Variants in PM20D2 observed in about 807,000 individuals in gnomAD.
PM20D2 encodes the protein xaa-Arg dipeptidase.
Under a neutral mutation model 42.9 loss-of-function variants are expected in PM20D2, and 33 were observed. That is an observed-to-expected ratio of 0.77 (90% CI 0.58 to 1.03). The LOEUF (loss-of-function observed/expected upper bound fraction) is 1.03, where lower values mean the gene tolerates loss of function less well. PM20D2 is among the 50% of genes least tolerant of loss of function. The pLI is 0.00. For synonymous variants in PM20D2, 250 were observed against 228.2 expected, an observed-to-expected ratio of 1.10 and a Z score of -0.86; for missense variants, 548 against 557.0, an observed-to-expected ratio of 0.98 and a Z score of 0.16.
At chr6:89,100,837 G>A in the PM20D2 span, among the ~76,000 whole-genome samples, 66 of 152,214 alleles carry the variant, frequency 4.3e-4, no homozygotes, top group African/African-American at 1.5e-3. Context: ...ACTGGGTGCA[G>A]TGGCTCATGC....
At chr6:89,136,744 T>C in the PM20D2 span, among the ~76,000 whole-genome samples, 1 of 151,254 alleles carries the variant, frequency 6.6e-6, no homozygotes, top group African/African-American at 2.5e-5. Flanking sequence ...CCACATTTCA[T>C]GCCCTTATTA....
the PM20D2 span, among the ~76,000 whole-genome samples, chr6:89,140,037 G>A: frequency 1.5e-3 from 235 of 152,242 alleles, no homozygotes; most frequent in African/African-American, 4.8e-3. Context: ...TTACACAAAC[G>A]TGAGCATATG....
intron 3 of PM20D2, among the ~76,000 whole-genome samples, chr6:89,154,288 GT>G (rs1001973289): frequency 5.9e-5 from 9 of 151,902 alleles, no homozygotes; most frequent in African/African-American, 1.7e-4. Flanking sequence ...ACCTGCATTG[GT>G]TTTTTTCTTG....
the PM20D2 span, among the ~76,000 whole-genome samples, chr6:89,102,290 C>T: frequency 5.9e-5 from 9 of 152,050 alleles, no homozygotes; most frequent in South Asian, 2.1e-4. Context: ...ATTACAGGCA[C>T]GTGCCACCAT....
rs1209485816 is a variant in PM20D2, at chr6:89,146,573, C to T, written c.429C>T (p.Ala143=). The T allele has an allele frequency of 9.4e-6, 14 of 1,481,716 alleles. No individual in the cohort carries two copies. Among genetic ancestry groups the T allele is most frequent in the Non-Finnish European group, 1.2e-5 (14 of 1,122,712 alleles). 91.8% of individuals were successfully genotyped at this position (1,481,716 alleles called of 1,614,324 possible). ...CGGCCGCGCTGGGCGTGAGGGGGGCCTTAGAGGGCCTCCCCAGGCCGCCTC... is the reference window on the plus strand; with the variant it reads ...CGGCCGCGCTGGGCGTGAGGGGGGCTTTAGAGGGCCTCCCCAGGCCGCCTC... ...GAAAALGVRG[A]LEGLPRPPPP... Residue 143 remains alanine, a synonymous_variant, in exon 1 of 7, where the codon GCC becomes GCT. Coordinates refer to ENST00000275072, the MANE Select transcript of PM20D2 (RefSeq NM_001010853.3).
At chr6:89,098,428 A>C in the PM20D2 span, 1 of 1,016,006 alleles carries the variant, frequency 9.8e-7, no homozygotes. Context: ...AATTTTTATT[A>C]ATCCAAAGCT....
chr6:89,148,093 G>A (rs1770671656), intron 1 of PM20D2, among the ~76,000 whole-genome samples: 1 of 146,998 alleles, frequency 6.8e-6, no homozygotes, highest in Admixed American at 7.0e-5. Flanking sequence ...CGATCCTCGT[G>A]CTTCAGCCTC....
At chr6:89,156,649 TG>T (rs1480190189) in intron 4 of PM20D2, among the ~76,000 whole-genome samples, 1 of 151,590 alleles carries the variant, frequency 6.6e-6, no homozygotes, top group Non-Finnish European at 1.5e-5. Context: ...AAGAGTGGTC[TG>T]GGGCTGTTAA....
chr6:89,159,935 C>T (rs535130809), intron 5 of PM20D2, among the ~76,000 whole-genome samples: 9 of 152,216 alleles, frequency 5.9e-5, no homozygotes, highest in African/African-American at 2.2e-4. Context: ...TGCTCTACCC[C>T]GGGTTTGGGT....
chr6:89,105,464 A>G, the PM20D2 span: 1 of 1,611,042 alleles, frequency 6.2e-7, no homozygotes, highest in Non-Finnish European at 8.5e-7. Flanking sequence ...TTTCAATCTG[A>G]CGGCCACATA....
the PM20D2 span, among the ~76,000 whole-genome samples, chr6:89,115,631 C>CTTTTTT: frequency 3.1e-5 from 4 of 129,004 alleles, no homozygotes; most frequent in African/African-American, 9.3e-5. Context: ...TTTTTTCTTT[C>CTTTTTT]TTTTTTTTTT....
At chr6:89,105,970 ACT>A in the PM20D2 span, 1 of 152,204 alleles carries the variant, frequency 6.6e-6, no homozygotes, top group East Asian at 1.9e-4. Context: ...AATTAAAATT[ACT>A]CTTTCATTAA....
chr6:89,159,200 G>A (rs935031549), intron 5 of PM20D2, among the ~76,000 whole-genome samples: 2 of 152,160 alleles, frequency 1.3e-5, no homozygotes, highest in African/African-American at 4.8e-5. Context: ...GTCCATATAT[G>A]AAAGGTATAT....
Position 89,146,332 on chromosome 6 carries a change from C to T in PM20D2, c.188C>T (p.Thr63Met), listed in dbSNP as rs774048865. 1.3e-6 allele frequency: 2 copies of T among 1,571,068 alleles called. No individual in the cohort carries two copies. The highest frequency in any genetic ancestry group is 1.4e-5 in the African/African-American group (1 of 73,930). Residue 63 changes from threonine to methionine, a missense_variant, in exon 1 of 7, where the codon ACG becomes ATG. By Grantham distance (81) the Thr-to-Met change is moderately conservative. Around this residue, in one of 3 missense-constraint regions of PM20D2, gnomAD observed 470 missense variants for 464.4 expected, o/e 1.01. Coordinates refer to ENST00000275072, the MANE Select transcript of PM20D2 (RefSeq NM_001010853.3). ...GAGCACCATGCCCACCGCGTGCTGACGCACTTCTTCGAGCGGGAGCCGCCC... is the reference window on the plus strand; with the variant it reads ...GAGCACCATGCCCACCGCGTGCTGATGCACTTCTTCGAGCGGGAGCCGCCC... ...YEEHHAHRVLTHFFEREPPAA... is the reference protein window; with the variant it reads ...YEEHHAHRVLMHFFEREPPAA...
chr6:89,161,768 T>C lies in PM20D2; in HGVS notation c.1049-15T>C, dbSNP rs1476559410. The C allele has an allele frequency of 1.1e-5, 18 of 1,567,882 alleles. No individual in the cohort carries two copies. Among genetic ancestry groups the C allele is most frequent in the Non-Finnish European group, 1.6e-5 (18 of 1,137,890 alleles). ...TATACTTAAATAGACTTTTCTTAACTTTGTGTGTTCCAAGGATCTACGGAT... is the reference window on the plus strand; with the variant it reads ...TATACTTAAATAGACTTTTCTTAACCTTGTGTGTTCCAAGGATCTACGGAT... On this transcript the variant is annotated splice_polypyrimidine_tract_variant and intron_variant, in intron 5 of 6. Coordinates refer to ENST00000275072, the MANE Select transcript of PM20D2 (RefSeq NM_001010853.3).
the PM20D2 span, among the ~76,000 whole-genome samples, chr6:89,130,816 CTTCTTTTTTTTTTTTTTT>C: frequency 2.0e-5 from 1 of 50,938 alleles, no homozygotes; most frequent in Non-Finnish European, 3.7e-5. Context: ...CTGGCTTCTT[CTTCTTTTTTTTTTTTTTT>C]TTTTTTTTTT....
the PM20D2 span, among the ~76,000 whole-genome samples, chr6:89,107,733 C>T: frequency 6.6e-6 from 1 of 151,842 alleles, no homozygotes; most frequent in Non-Finnish European, 1.5e-5. Flanking sequence ...GAGTGAGACC[C>T]TGTCTCAAAA....
the PM20D2 span, chr6:89,097,837 TATGA>T: frequency 6.6e-6 from 1 of 152,240 alleles, no homozygotes; most frequent in Non-Finnish European, 1.5e-5. Context: ...TAAGTCTTAA[TATGA>T]ATATTTTTGG....
At chr6:89,120,745 T>C in the PM20D2 span, among the ~76,000 whole-genome samples, 1,937 of 152,102 alleles carry the variant, frequency 0.013, 13 homozygotes, top group Non-Finnish European at 0.02. Context: ...TGGTGGCACA[T>C]GCTTGTAGTC....
Sources: allele counts gnomAD v4.1 joint callset (sites outside exome capture counted in the v4.1 genomes callset), GRCh38; gene constraint gnomAD v4.1.1; regional missense constraint gnomAD v4.1.1; transcripts MANE v1.5; gene names NCBI Gene and HGNC (gene_info 2026-07-23, HGNC 2026-07-21).